Variants in CLUH observed in about 807,000 individuals in gnomAD.
The protein encoded by CLUH is CLUH binding protein of NUMT mRNA.
CLUH carries 77 observed loss-of-function variants against 139.3 expected under a neutral mutation model. That is an observed-to-expected ratio of 0.55 (90% CI 0.46 to 0.67). The LOEUF is 0.67. Ranked by LOEUF, CLUH falls within the 30% of genes least tolerant of loss-of-function variation. CLUH has a pLI of 0.00. For missense variants in CLUH, 1,876 were observed against 1,875.8 expected (o/e 1.00, Z 0.00); for synonymous variants, 999 against 801.6 (o/e 1.25, Z -4.16).
In CLUH at chr17:2,698,524, C is replaced by G; in HGVS notation, c.1333G>C (p.Ala445Pro). Residue 445 changes from alanine to proline, a missense_variant, in exon 10 of 26, where the codon GCC becomes CCC. This residue lies in a region of CLUH where 1,454 missense variants were observed against 1,384.4 expected (regional missense o/e 1.05). Transcript: ENST00000651024. Reference protein sequence around the residue: ...AMAVIDGNVMAINPSEETKMQ... With the variant: ...AMAVIDGNVMPINPSEETKMQ... The stretch of plus-strand genomic sequence containing the variant: ...TTGGTCTCCTCGCTGGGGTTGATGG[C>G]CATCACGTTGCCGTCAATGACGGCC... 1 of 1,612,560 alleles carries G rather than the reference C, an allele frequency of 6.2e-7. No individual in the cohort carries two copies. Among genetic ancestry groups the G allele is most frequent in the Non-Finnish European group, 8.5e-7 (1 of 1,179,518 alleles).
At chr17:2,701,069 G>A in intron 7 of CLUH, 71 bp downstream of exon 7, 1 of 1,608,530 alleles carries the variant, frequency 6.2e-7, no homozygotes. Context: ...AAGCACTGGA[G>A]TGCAGGTGGG....
chr17:2,693,141 C>CAATAAAAAAAAAAAAAAAAAA (rs1555529823), intron 19 of CLUH, among the ~76,000 whole-genome samples: 3 of 73,784 alleles, frequency 4.1e-5, no homozygotes, highest in South Asian at 7.8e-4. Flanking sequence ...AAAAATGTTA[C>CAATAAAAAAAAAAAAAAAAAA]AAAAAAAAAA....
At chr17:2,701,000 G>A (rs780512407) in intron 7 of CLUH, 140 bp downstream of exon 7, 37 of 1,480,286 alleles carry the variant, frequency 2.5e-5, no homozygotes, top group East Asian at 9.5e-5. Context: ...GGCACTGGCC[G>A]ACAGCTCCCT....
At position 2,698,110 on chromosome 17, in the gene CLUH, G is replaced by A; in HGVS notation, c.1747C>T (p.Leu583Phe). The A allele has an allele frequency of 1.9e-6, 3 of 1,601,336 alleles. No homozygotes were observed. Among genetic ancestry groups the A allele is most frequent in the Non-Finnish European group, 2.6e-6 (3 of 1,175,488 alleles). ...CCCTTGCACTCGACCGAGGAGCAGA[G>A]CTCCACCTCCTCGTCACGGTCGTTG... ...VLNDRDEEVE[L>F]CSSVECKGII... Residue 583 changes from leucine to phenylalanine, a missense_variant, in exon 10 of 26, where the codon CTC (leucine) becomes TTC (phenylalanine). This residue lies in a region of CLUH where 1,454 missense variants were observed against 1,384.4 expected (regional missense o/e 1.05). Transcript: ENST00000651024.
At chr17:2,710,057 A>T (rs1333277391) in intron 1 of CLUH, among the ~76,000 whole-genome samples, 1 of 150,848 alleles carries the variant, frequency 6.6e-6, no homozygotes, top group Non-Finnish European at 1.5e-5. Context: ...TCAGCACGGG[A>T]TCCAAACCAA....
chr17:2,690,487 A>G lies in CLUH; in HGVS notation c.*107T>C. The G allele has an allele frequency of 9.9e-7, 1 of 1,009,274 alleles. No homozygotes were observed. The highest frequency in any genetic ancestry group is 1.3e-6 in the Non-Finnish European group (1 of 743,024). 62.5% of individuals were successfully genotyped at this position (1,009,274 alleles called of 1,614,324 possible). ...GGGGGTGGGGTGGGGTGAGACGTGGAGGAAGAGGGCCTTGCTTCCTCTTCC... is the reference window on the plus strand; with the variant it reads ...GGGGGTGGGGTGGGGTGAGACGTGGGGGAAGAGGGCCTTGCTTCCTCTTCC... On this transcript the variant is annotated 3_prime_UTR_variant, in exon 26 of 26. Coordinates refer to ENST00000651024, the MANE Select transcript of CLUH (RefSeq NM_001366661.1).
chr17:2,692,557 GC>G lies in CLUH; in HGVS notation c.3438+13del. The G allele has an allele frequency of 6.2e-7, 1 of 1,605,004 alleles. No individual in the cohort carries two copies. On this transcript the variant is annotated intron_variant, in intron 21 of 25. Transcript: ENST00000651024. ...GGAGCTGGGTCCCTGCCGCCCCCCC[GC>G]CCCAGCACTCACGTCCAGCAGCGCC... is the stretch of plus-strand genomic sequence containing the variant.
At chr17:2,709,104 C>A (rs1199853440) in intron 1 of CLUH, among the ~76,000 whole-genome samples, 1 of 152,252 alleles carries the variant, frequency 6.6e-6, no homozygotes, top group Non-Finnish European at 1.5e-5. Context: ...GCGCCGGGAG[C>A]TCAAAGGCGG....
In CLUH at chr17:2,695,090, G is replaced by A. The variant is rs146179529; in HGVS notation, c.2619C>T (p.Leu873=). Residue 873 remains leucine (L), a synonymous_variant, in exon 16 of 26, where the codon CTC becomes CTT. Transcript: ENST00000651024. The part of the protein sequence containing the change: ...IFKTYLQGVE[L]SGLSAAISHF... Reference sequence around the variant, plus strand: ...GGCTGATGGCGGCTGAGAGGCCGGAGAGCTCGACTCCCTGCGAGGCAGGTT... The same window carrying A: ...GGCTGATGGCGGCTGAGAGGCCGGAAAGCTCGACTCCCTGCGAGGCAGGTT... 769 of 1,612,228 alleles carry A rather than the reference G, an allele frequency of 4.8e-4. 2 individuals carry two copies. In the African/African-American group the frequency reaches 8.0e-3, roughly 17 times the overall value.
intron 17 of CLUH, 57 bp downstream of exon 17, chr17:2,694,422 CA>C: frequency 3.2e-6 from 3 of 941,376 alleles, no homozygotes; most frequent in Non-Finnish European, 4.7e-6. Flanking sequence ...GAGCCTGCAG[CA>C]GGGACGCAGC....
At chr17:2,692,241 G>A (rs2240732) in intron 22 of CLUH, 120 bp downstream of exon 22, 1 of 1,428,138 alleles carries the variant, frequency 7.0e-7, no homozygotes, top group Non-Finnish European at 9.3e-7. Context: ...GGGAAGAGGG[G>A]GAGGTCGAGA....
Position 2,703,481 on chromosome 17 carries a change from G to A in CLUH, c.312C>T (p.Pro104=). Residue 104 remains proline, a synonymous_variant, in exon 3 of 26, where the codon CCC becomes CCT. Coordinates refer to ENST00000651024, the MANE Select transcript of CLUH (RefSeq NM_001366661.1). This position sits in a 1 kb window ranked among gnomAD's most constrained non-coding sequence, Gnocchi z 4.2. ...GIEPFSLQVS[P]QEMVQEIHQV... ...GGTGAATCTCCTGCACCATCTCCTG[G>A]GGGGACACCTGCAGGGAGAAGGCCC... 1 of 1,613,136 alleles carries A rather than the reference G, an allele frequency of 6.2e-7. No individual in the cohort carries two copies.
chr17:2,698,509 C>T lies in CLUH; in HGVS notation c.1348G>A (p.Glu450Lys), dbSNP rs1455565845. The change falls in exon 10 of 26, where the codon GAG (glutamate) becomes AAG (lysine). Residue 450 changes from glutamate (E) to lysine (K), a missense_variant. Physicochemically the swap from Glu to Lys is moderately conservative, Grantham distance 56. This residue lies in a region of CLUH where 1,454 missense variants were observed against 1,384.4 expected (regional missense o/e 1.05). Coordinates refer to ENST00000651024, the MANE Select transcript of CLUH (RefSeq NM_001366661.1). ...DGNVMAINPSEETKMQMFIWN... is the reference protein window; with the variant it reads ...DGNVMAINPSKETKMQMFIWN... ...ATGAACATCTGCATCTTGGTCTCCT[C>T]GCTGGGGTTGATGGCCATCACGTTG... The T allele has an allele frequency of 1.2e-6, 2 of 1,612,932 alleles. No individual in the cohort carries two copies. The highest frequency in any genetic ancestry group is 2.2e-5 in the East Asian group (1 of 44,866).
Position 2,696,870 on chromosome 17 carries a change from G to T in CLUH, c.2034C>A (p.Ser678=), listed in dbSNP as rs772746057. 2 of 1,613,222 alleles carry T rather than the reference G, an allele frequency of 1.2e-6. No individual in the cohort carries two copies. Among genetic ancestry groups the T allele is most frequent in the Admixed American group, 3.3e-5 (2 of 59,952 alleles). ...QQNASQLETP[S]SLENGGPSSL... is the part of the protein sequence containing the mutation. The stretch of plus-strand genomic sequence containing the variant: ...AGGAAGGACCACCATTTTCCAGGGA[G>T]GAGGGGGTCTCCAGCTGGCTGGCGT... The change falls in exon 11 of 26, where the codon TCC becomes TCA. Residue 678 remains serine, a synonymous_variant. Transcript: ENST00000651024.
In CLUH at chr17:2,698,605, G is replaced by A. The variant is rs748875453; in HGVS notation, c.1267-15C>T. ...TCGCTGTGCACCTGGCGGGGGTCGAGGAGGGCAGGGTTAGAGGCCGCGCCC... is the reference window on the plus strand; with the variant it reads ...TCGCTGTGCACCTGGCGGGGGTCGAAGAGGGCAGGGTTAGAGGCCGCGCCC... On this transcript the variant is annotated splice_polypyrimidine_tract_variant and intron_variant, in intron 9 of 25. Coordinates refer to ENST00000651024, the MANE Select transcript of CLUH (RefSeq NM_001366661.1). 5 of 1,572,822 alleles carry A rather than the reference G, an allele frequency of 3.2e-6. No individual in the cohort carries two copies. Among genetic ancestry groups the A allele is most frequent in the East Asian group, 2.3e-5 (1 of 43,110 alleles).
chr17:2,695,347 T>C, intron 14 of CLUH, 27 bp downstream of exon 14: 1 of 1,613,004 alleles, frequency 6.2e-7, no homozygotes, highest in Non-Finnish European at 8.5e-7. Context: ...ACAGCTCCCG[T>C]TCCGCCCCAC....
At chr17:2,692,201 C>G in intron 22 of CLUH, 104 bp from the exon 23 acceptor site, 1 of 1,445,982 alleles carries the variant, frequency 6.9e-7, no homozygotes, top group Non-Finnish European at 9.3e-7. Context: ...CCCTGGAAGC[C>G]ACCGAGGGGA....
rs1567575842 is a variant in CLUH, at chr17:2,691,961, G to GCCCCGCCCCGCCCCC, written c.3654+42_3654+43insGGGGGCGGGGCGGGG. ...CGCGGCCCCGCCCCCGCCCCGCCAC[G>GCCCCGCCCCGCCCCC]CCCCCGCCCCGCCCCCGCCCCCGCC... is the stretch of plus-strand genomic sequence containing the variant. On this transcript the variant is annotated intron_variant, in intron 23 of 25. Transcript: ENST00000651024. 6.1e-6 allele frequency: 4 copies of GCCCCGCCCCGCCCCC among 652,702 alleles called. No homozygotes were observed. In the African/African-American group the frequency reaches 1.2e-4, roughly 20 times the overall value. The allele number at this position is 652,702 out of a possible 1,614,324, so 40.4% of individuals were successfully genotyped here.
At position 2,706,249 on chromosome 17, in the gene CLUH, G is replaced by A. The variant is rs1477531738; in HGVS notation, c.101-1685C>T. Among the ~76,000 whole-genome samples the A allele has an allele frequency of 6.6e-6, 1 of 152,118 alleles. No homozygotes were observed. Among genetic ancestry groups the A allele is most frequent in the Non-Finnish European group, 1.5e-5 (1 of 68,026 alleles). On this transcript the variant is annotated intron_variant, in intron 1 of 25. Transcript: ENST00000651024. The surrounding 1 kb of genome is among the most constrained non-coding windows in gnomAD (Gnocchi z 4.6). ...CCAGTACGGAAAGGCAGAGACCGGG[G>A]GGCCTGGAGAGAGTCGCTCCCTTTC...
Sources: allele counts gnomAD v4.1 joint callset (sites outside exome capture counted in the v4.1 genomes callset), GRCh38; gene constraint gnomAD v4.1.1; regional missense constraint gnomAD v4.1.1; non-coding constraint Gnocchi (gnomAD v3.1); transcripts MANE v1.5; gene names NCBI Gene and HGNC (gene_info 2026-07-23, HGNC 2026-07-21).